Variants in NEK11 observed in about 807,000 individuals in gnomAD.
The protein encoded by NEK11 is NIMA related kinase 11.
A neutral mutation model predicts 80.7 loss-of-function variants in NEK11; 72 were observed. The observed-to-expected ratio is 0.89, with a 90% CI of 0.74 to 1.08. The LOEUF (loss-of-function observed/expected upper bound fraction) is 1.08. Ranked by LOEUF, NEK11 falls within the 50% of genes least tolerant of loss-of-function variation. NEK11 has a pLI of 0.00. For synonymous variants in NEK11, 251 were observed against 260.7 expected (o/e 0.96, Z 0.36); for missense variants, 764 against 763.6 (o/e 1.00, Z -0.01).
At chr3:131,280,137 A>T (rs1181841136) in intron 17 of NEK11, among the ~76,000 whole-genome samples, 2 of 152,226 alleles carry the variant, frequency 1.3e-5, no homozygotes, top group Non-Finnish European at 2.9e-5. Context: ...CCACTTTTCC[A>T]ATTGGAAGTC....
At chr3:131,240,127 C>T (rs1462312535) in intron 15 of NEK11, among the ~76,000 whole-genome samples, 2 of 152,072 alleles carry the variant, frequency 1.3e-5, no homozygotes, top group Non-Finnish European at 2.9e-5. Flanking sequence ...AGAGCAAGTT[C>T]ACTGTGGATA....
intron 3 of NEK11, among the ~76,000 whole-genome samples, chr3:131,079,382 A>G (rs893145420): frequency 6.6e-6 from 1 of 152,240 alleles, no homozygotes; most frequent in Non-Finnish European, 1.5e-5. Context: ...ATTTTCTACT[A>G]TAATACATTT....
At chr3:131,287,790 G>C (rs2336821) in intron 17 of NEK11, among the ~76,000 whole-genome samples, 19,378 of 152,006 alleles carry the variant, frequency 0.13, 1,780 homozygotes, top group East Asian at 0.3. Context: ...GTGCTTCCTC[G>C]TGGCATCTCA....
intron 4 of NEK11, among the ~76,000 whole-genome samples, chr3:131,105,978 G>T (rs2079118707): frequency 6.6e-6 from 1 of 151,926 alleles, no homozygotes; most frequent in South Asian, 2.1e-4. Flanking sequence ...TACCTATATT[G>T]TATACTTGCA....
At chr3:131,216,480 A>G (rs965643560) in intron 14 of NEK11, among the ~76,000 whole-genome samples, 14 of 152,370 alleles carry the variant, frequency 9.2e-5, no homozygotes, top group African/African-American at 3.1e-4. Flanking sequence ...ACATGATGCC[A>G]ATGGAAGATA....
chr3:131,257,496 A>G (rs1473371576), intron 16 of NEK11, among the ~76,000 whole-genome samples: 3 of 152,192 alleles, frequency 2.0e-5, no homozygotes, highest in Non-Finnish European at 2.9e-5. Context: ...CCACTGTTGT[A>G]AGGATAGAAT....
chr3:131,224,701 C>T (rs1301951114), intron 14 of NEK11, among the ~76,000 whole-genome samples: 1 of 151,998 alleles, frequency 6.6e-6, no homozygotes, highest in African/African-American at 2.4e-5. Flanking sequence ...TGTAGTGGGA[C>T]AAGATGTGGA....
intron 17 of NEK11, among the ~76,000 whole-genome samples, chr3:131,305,906 G>A (rs914716029): frequency 3.9e-5 from 6 of 152,080 alleles, no homozygotes; most frequent in African/African-American, 9.7e-5. Flanking sequence ...AGATCTGCTT[G>A]GAGTGTCCCA....
At chr3:131,209,366 G>A (rs145097107) in intron 14 of NEK11, among the ~76,000 whole-genome samples, 9 of 152,262 alleles carry the variant, frequency 5.9e-5, no homozygotes, top group African/African-American at 1.2e-4. Context: ...ATGTGCTGCT[G>A]GATTTGGTTT....
At chr3:131,028,518 G>A in intron 2 of NEK11, among the ~76,000 whole-genome samples, 1 of 152,064 alleles carries the variant, frequency 6.6e-6, no homozygotes. Flanking sequence ...ATTTTACTTT[G>A]TACCTACTCA....
chr3:131,251,159 T>C (rs1302496819), intron 16 of NEK11, among the ~76,000 whole-genome samples: 1 of 135,174 alleles, frequency 7.4e-6, no homozygotes. Flanking sequence ...TTAAAAAAAA[T>C]AGTTGTATAA....
chr3:131,319,368 C>T (rs1401696741), intron 17 of NEK11, among the ~76,000 whole-genome samples: 2 of 152,130 alleles, frequency 1.3e-5, no homozygotes, highest in Non-Finnish European at 2.9e-5. Context: ...TACTTTACTA[C>T]TCAAAGTGTG....
intron 7 of NEK11, among the ~76,000 whole-genome samples, chr3:131,144,826 G>T (rs1309373806): frequency 3.3e-5 from 5 of 152,078 alleles, no homozygotes; most frequent in Non-Finnish European, 7.4e-5. Flanking sequence ...GTGCTAGAGT[G>T]CAAGCAAATA....
chr3:131,297,033 T>C (rs2096601618), intron 17 of NEK11, among the ~76,000 whole-genome samples: 1 of 152,244 alleles, frequency 6.6e-6, no homozygotes, highest in Non-Finnish European at 1.5e-5. Flanking sequence ...GGTGTATATG[T>C]GCCACATTTT....
chr3:131,274,677 C>T (rs11927762), intron 17 of NEK11, among the ~76,000 whole-genome samples: 1,387 of 105,858 alleles, frequency 0.013, 26 homozygotes, highest in African/African-American at 0.048. Flanking sequence ...GACGGAGTCT[C>T]GCTCTGTCGC....
intron 3 of NEK11, among the ~76,000 whole-genome samples, chr3:131,077,331 C>T (rs1256338070): frequency 6.6e-6 from 1 of 152,068 alleles, no homozygotes; most frequent in Non-Finnish European, 1.5e-5. Context: ...AAGTGATATG[C>T]AATGAGAGTT....
intron 5 of NEK11, among the ~76,000 whole-genome samples, chr3:131,114,166 A>G (rs1477316257): frequency 1.3e-5 from 2 of 152,126 alleles, no homozygotes; most frequent in Non-Finnish European, 2.9e-5. Context: ...GTTGGTTTTC[A>G]GTATTTAATT....
At chr3:131,256,695 G>A (rs2095822382) in intron 16 of NEK11, among the ~76,000 whole-genome samples, 1 of 152,034 alleles carries the variant, frequency 6.6e-6, no homozygotes, top group Non-Finnish European at 1.5e-5. Flanking sequence ...GATGGTTCTG[G>A]CTCAGGGTCT....
intron 17 of NEK11, among the ~76,000 whole-genome samples, chr3:131,336,346 T>C (rs1044079476): frequency 6.6e-6 from 1 of 152,280 alleles, no homozygotes; most frequent in African/African-American, 2.4e-5. Flanking sequence ...TTGACAAACC[T>C]GAGAAAAACA....
Sources: gnomAD v4.1 joint callset for allele counts (sites outside exome capture counted in the v4.1 genomes callset) on GRCh38, gnomAD v4.1.1 for gene constraint, MANE v1.5 for transcripts, NCBI Gene and HGNC (gene_info 2026-07-23, HGNC 2026-07-21) for gene names.